The following CNTN4 variants were observed in gnomAD, a reference collection of about 807,000 sequenced individuals.
The protein encoded by CNTN4 is contactin-4.
Under a neutral mutation model 122.5 loss-of-function variants are expected in CNTN4, and 77 were observed. The ratio of observed to expected loss-of-function variants is 0.63; its 90% CI spans 0.52 to 0.76. CNTN4 has a LOEUF of 0.76. Ranked by LOEUF, CNTN4 falls within the 30% of genes least tolerant of loss-of-function variation. The probability of loss-of-function intolerance (pLI) is 0.00; values close to 1 mark genes in which losing one functional copy is unlikely to be tolerated. For missense variants in CNTN4, 1,256 were observed against 1,259.1 expected (o/e 1.00, Z 0.04); for synonymous variants, 512 against 447.0 (o/e 1.15, Z -1.83).
At chr3:2,829,075 C>G (rs1348257553) in intron 7 of CNTN4, among the ~76,000 whole-genome samples, 1 of 152,114 alleles carries the variant, frequency 6.6e-6, no homozygotes, top group Non-Finnish European at 1.5e-5. Flanking sequence ...TTGTCTGTTG[C>G]CTCTTGACTG....
At chr3:3,039,831 C>T (rs1699976100) in intron 19 of CNTN4, 2 of 572,892 alleles carry the variant, frequency 3.5e-6, no homozygotes, top group Admixed American at 2.6e-5. Context: ...TGCAGATCCT[C>T]ATTACGTTTT....
At chr3:2,476,999 C>A (rs1175079689) in intron 3 of CNTN4, among the ~76,000 whole-genome samples, 1 of 152,062 alleles carries the variant, frequency 6.6e-6, no homozygotes, top group African/African-American at 2.4e-5. Flanking sequence ...TTGAGAATGA[C>A]ACAGCTGGAA....
intron 3 of CNTN4, among the ~76,000 whole-genome samples, chr3:2,478,299 C>A (rs142388464): frequency 6.6e-6 from 1 of 151,760 alleles, no homozygotes; most frequent in East Asian, 1.9e-4. Flanking sequence ...CCTTCTGGCT[C>A]TTTTATAGTG....
At chr3:2,337,475 T>A (rs549890294) in intron 2 of CNTN4, among the ~76,000 whole-genome samples, 1 of 152,260 alleles carries the variant, frequency 6.6e-6, no homozygotes, top group Non-Finnish European at 1.5e-5. Flanking sequence ...CTGCATTATG[T>A]AATTTAATTA....
At chr3:2,693,815 A>G (rs2149209008) in intron 4 of CNTN4, among the ~76,000 whole-genome samples, 1 of 152,296 alleles carries the variant, frequency 6.6e-6, no homozygotes, top group Admixed American at 6.5e-5. Flanking sequence ...GAATTCATTG[A>G]TAAACTGAGT....
intron 3 of CNTN4, among the ~76,000 whole-genome samples, chr3:2,435,141 T>C (rs992008010): frequency 6.6e-6 from 1 of 152,202 alleles, no homozygotes; most frequent in Non-Finnish European, 1.5e-5. Flanking sequence ...TTGTGTGTAT[T>C]ATTAAACACC....
chr3:2,700,878 C>T (rs971035166), intron 4 of CNTN4, among the ~76,000 whole-genome samples: 2 of 152,134 alleles, frequency 1.3e-5, no homozygotes, highest in African/African-American at 2.4e-5. Context: ...TGCACCTGAA[C>T]GAACATGTTT....
intron 7 of CNTN4, among the ~76,000 whole-genome samples, chr3:2,822,602 T>A (rs898856622): frequency 6.6e-6 from 1 of 152,220 alleles, no homozygotes; most frequent in African/African-American, 2.4e-5. Flanking sequence ...GCATTAAGTT[T>A]TCATCACATG....
At chr3:2,632,740 A>G (rs2082499718) in intron 4 of CNTN4, among the ~76,000 whole-genome samples, 1 of 152,150 alleles carries the variant, frequency 6.6e-6, no homozygotes, top group Non-Finnish European at 1.5e-5. Flanking sequence ...TGAACTCTGC[A>G]CTTAATAATT....
intron 14 of CNTN4, among the ~76,000 whole-genome samples, chr3:3,015,777 G>T (rs1340529239): frequency 6.6e-6 from 1 of 152,124 alleles, no homozygotes; most frequent in Non-Finnish European, 1.5e-5. Flanking sequence ...CATTGTCTTT[G>T]GAATTCATTG....
chr3:2,677,799 A>C (rs895168793), intron 4 of CNTN4, among the ~76,000 whole-genome samples: 1 of 152,204 alleles, frequency 6.6e-6, no homozygotes, highest in Admixed American at 6.5e-5. Context: ...TGTTAGAAAA[A>C]AAAAATAACA....
intron 6 of CNTN4, among the ~76,000 whole-genome samples, chr3:2,775,861 C>A (rs546182043): frequency 6.6e-6 from 1 of 152,232 alleles, no homozygotes; most frequent in South Asian, 2.1e-4. Context: ...AGGGCGGGAA[C>A]CTTTTATAAT....
At chr3:2,312,209 G>C (rs1011508619) in intron 2 of CNTN4, among the ~76,000 whole-genome samples, 1 of 151,964 alleles carries the variant, frequency 6.6e-6, no homozygotes, top group East Asian at 1.9e-4. Flanking sequence ...ATATTGCTAT[G>C]ACCAGTGGAA....
chr3:2,804,065 G>A (rs55896526), intron 6 of CNTN4, among the ~76,000 whole-genome samples: 1 of 144,434 alleles, frequency 6.9e-6, no homozygotes, highest in South Asian at 2.2e-4. Context: ...ATATATGTCT[G>A]CACACACACA....
chr3:2,538,696 T>C (rs1023934962), intron 3 of CNTN4, among the ~76,000 whole-genome samples: 2 of 151,944 alleles, frequency 1.3e-5, no homozygotes, highest in African/African-American at 2.4e-5. Context: ...TATTATAAAG[T>C]TCTTAAATTG....
At chr3:2,452,099 C>T (rs995846866) in intron 3 of CNTN4, among the ~76,000 whole-genome samples, 1 of 152,094 alleles carries the variant, frequency 6.6e-6, no homozygotes, top group Non-Finnish European at 1.5e-5. Context: ...TAACCCTATC[C>T]AGAATTGACA....
intron 3 of CNTN4, among the ~76,000 whole-genome samples, chr3:2,426,662 T>C (rs2047846412): frequency 6.6e-6 from 1 of 152,218 alleles, no homozygotes; most frequent in African/African-American, 2.4e-5. Context: ...CCCCTCTTTG[T>C]ACCTCTGGTA....
chr3:2,226,169 G>A (rs187237279), intron 2 of CNTN4, among the ~76,000 whole-genome samples: 1 of 152,050 alleles, frequency 6.6e-6, no homozygotes, highest in Non-Finnish European at 1.5e-5. Flanking sequence ...CCTCCTTGCT[G>A]TATGGTTTTA....
intron 2 of CNTN4, among the ~76,000 whole-genome samples, chr3:2,274,236 A>G (rs1468920104): frequency 6.6e-6 from 1 of 152,164 alleles, no homozygotes; most frequent in Non-Finnish European, 1.5e-5. Flanking sequence ...TAAAAAAATT[A>G]GCCAGGTGTG....
Sources: gnomAD v4.1 joint callset for allele counts (sites outside exome capture counted in the v4.1 genomes callset) on GRCh38, gnomAD v4.1.1 for gene constraint, MANE v1.5 for transcripts, NCBI Gene and HGNC (gene_info 2026-07-23, HGNC 2026-07-21) for gene names.